NDUFAF2: variants seen among roughly 807,000 people sequenced by gnomAD.
NDUFAF2 encodes NADH:ubiquinone oxidoreductase complex assembly factor 2.
In NDUFAF2, 13 loss-of-function variants were observed where a neutral mutation model predicts 22.8. The observed-to-expected ratio is 0.57, with a 90% CI of 0.37 to 0.91. The LOEUF (loss-of-function observed/expected upper bound fraction) is 0.91, where lower values mean the gene tolerates loss of function less well. Among genes scored for constraint, NDUFAF2 ranks in the 40% least tolerant of loss-of-function variants. The pLI is 0.01. For synonymous variants in NDUFAF2, 53 were observed against 64.2 expected (o/e 0.83, Z 0.84); for missense variants, 162 against 195.2 (o/e 0.83, Z 1.01).
At chr5:60,985,198 T>G (rs1229481678) in intron 1 of NDUFAF2, among the ~76,000 whole-genome samples, 2 of 152,240 alleles carry the variant, frequency 1.3e-5, no homozygotes, top group Non-Finnish European at 2.9e-5. Flanking sequence ...GTTTATAGTA[T>G]TCTATGATGG....
At chr5:61,115,663 TTGTCA>T (rs2111791138) in intron 3 of NDUFAF2, 2 of 152,224 alleles carry the variant, frequency 1.3e-5, no homozygotes, top group South Asian at 4.1e-4. Flanking sequence ...AACACCAGGC[TTGTCA>T]TGTCAGTGAC....
intron 1 of NDUFAF2, among the ~76,000 whole-genome samples, chr5:61,041,817 G>C (rs1241209093): frequency 1.3e-5 from 2 of 152,152 alleles, no homozygotes; most frequent in African/African-American, 2.4e-5. Flanking sequence ...TTAGAGGAAA[G>C]TGAAGATTTT....
At chr5:61,082,138 A>G (rs964185115) in intron 2 of NDUFAF2, among the ~76,000 whole-genome samples, 2 of 152,232 alleles carry the variant, frequency 1.3e-5, no homozygotes, top group African/African-American at 4.8e-5. Context: ...GAGAAAAAAA[A>G]TGTGCATGAG....
At chr5:61,100,332 A>G (rs767035319) in intron 3 of NDUFAF2, among the ~76,000 whole-genome samples, 1 of 152,148 alleles carries the variant, frequency 6.6e-6, no homozygotes, top group African/African-American at 2.4e-5. Flanking sequence ...GGCAATTGCA[A>G]TAGTTGGGCC....
chr5:61,111,684 T>C (rs1364835485), intron 3 of NDUFAF2, among the ~76,000 whole-genome samples: 1 of 152,004 alleles, frequency 6.6e-6, no homozygotes, highest in Non-Finnish European at 1.5e-5. Flanking sequence ...AGGGGCATGA[T>C]CTCAGGTCAC....
intron 2 of NDUFAF2, among the ~76,000 whole-genome samples, chr5:61,073,915 G>A (rs1156655087): frequency 6.6e-6 from 1 of 152,170 alleles, no homozygotes; most frequent in Non-Finnish European, 1.5e-5. Context: ...AGAAAAAGCT[G>A]ATTTACTGAG....
chr5:60,948,849 T>C (rs1191303026), intron 1 of NDUFAF2, among the ~76,000 whole-genome samples: 1 of 152,166 alleles, frequency 6.6e-6, no homozygotes, highest in Non-Finnish European at 1.5e-5. Flanking sequence ...TTGTTAGGTG[T>C]ATGTTTAACT....
chr5:61,064,574 G>A (rs1243800696), intron 1 of NDUFAF2, among the ~76,000 whole-genome samples: 1 of 152,008 alleles, frequency 6.6e-6, no homozygotes, highest in Non-Finnish European at 1.5e-5. Flanking sequence ...TCAGTAGCAG[G>A]AGGAACCTTG....
At chr5:60,962,776 T>G (rs1458040656) in intron 1 of NDUFAF2, among the ~76,000 whole-genome samples, 1 of 149,744 alleles carries the variant, frequency 6.7e-6, no homozygotes, top group Admixed American at 6.7e-5. Context: ...GAGGTTGCAG[T>G]GAGCCAAGAT....
chr5:60,986,586 C>T lies in NDUFAF2; in HGVS notation c.127+41204C>T, dbSNP rs150465265. Reference sequence around the variant, plus strand: ...AAGGGCAAACCAACCTCAAAGCTAGCAGAAGACAAAAAAAATAACCAAAGT... The same window carrying T: ...AAGGGCAAACCAACCTCAAAGCTAGTAGAAGACAAAAAAAATAACCAAAGT... On this transcript the variant is annotated intron_variant, in intron 1 of 3. Transcript: ENST00000296597. Among the ~76,000 whole-genome samples, 610 of 152,002 alleles carry T rather than the reference C, an allele frequency of 4.0e-3. 5 individuals carry two copies. The highest frequency in any genetic ancestry group is 0.014 in the African/African-American group (566 of 41,464).
intron 3 of NDUFAF2, among the ~76,000 whole-genome samples, chr5:61,100,755 C>CACAT (rs1404311879): frequency 6.6e-6 from 1 of 152,206 alleles, no homozygotes; most frequent in East Asian, 1.9e-4. Flanking sequence ...TCCCACGCCC[C>CACAT]ACATAAAGAA....
chr5:61,036,739 CAG>C (rs1180836716), intron 1 of NDUFAF2, among the ~76,000 whole-genome samples: 1 of 152,124 alleles, frequency 6.6e-6, no homozygotes, highest in Non-Finnish European at 1.5e-5. Context: ...GATCTAGAGA[CAG>C]AGTTGTGACC....
chr5:61,078,885 T>G (rs767520416), intron 2 of NDUFAF2, among the ~76,000 whole-genome samples: 1 of 152,220 alleles, frequency 6.6e-6, no homozygotes, highest in Non-Finnish European at 1.5e-5. Context: ...ATGTAGAGGC[T>G]CTCATATTTG....
chr5:61,008,253 GTAAC>G (rs1485340666), intron 1 of NDUFAF2, among the ~76,000 whole-genome samples: 1 of 151,914 alleles, frequency 6.6e-6, no homozygotes, highest in Non-Finnish European at 1.5e-5. Context: ...GTATACATAT[GTAAC>G]TAACCTGCAC....
At chr5:60,970,586 G>A (rs905000340) in intron 1 of NDUFAF2, among the ~76,000 whole-genome samples, 22 of 152,102 alleles carry the variant, frequency 1.4e-4, no homozygotes, top group African/African-American at 5.3e-4. Flanking sequence ...AATTTCAATA[G>A]TTTTTTAGTG....
chr5:61,042,166 C>T (rs1407209812), intron 1 of NDUFAF2, among the ~76,000 whole-genome samples: 1 of 152,056 alleles, frequency 6.6e-6, no homozygotes, highest in Non-Finnish European at 1.5e-5. Context: ...GATTATTTAA[C>T]CTTATTCAAA....
intron 1 of NDUFAF2, among the ~76,000 whole-genome samples, chr5:60,999,158 A>G (rs1008145370): frequency 2.0e-5 from 3 of 152,002 alleles, no homozygotes; most frequent in Non-Finnish European, 4.4e-5. Flanking sequence ...CTAGATATTG[A>G]TTGTTTGATT....
At chr5:61,141,588 T>C (rs985961077) in intron 3 of NDUFAF2, among the ~76,000 whole-genome samples, 3 of 152,204 alleles carry the variant, frequency 2.0e-5, no homozygotes, top group African/African-American at 7.2e-5. Context: ...TCCTCAAAGA[T>C]GCTTCATAAG....
intron 3 of NDUFAF2, chr5:61,146,061 G>A (rs1579853990): frequency 6.6e-6 from 1 of 152,298 alleles, no homozygotes; most frequent in African/African-American, 2.4e-5. Context: ...GAGACTTTTT[G>A]TTGATGGGAA....
Sources: gnomAD v4.1 joint callset for allele counts (sites outside exome capture counted in the v4.1 genomes callset) on GRCh38, gnomAD v4.1.1 for gene constraint, MANE v1.5 for transcripts, NCBI Gene and HGNC (gene_info 2026-07-23, HGNC 2026-07-21) for gene names.